The following NEDD1 variants were observed in gnomAD, a reference collection of about 807,000 sequenced individuals.
NEDD1 encodes the protein protein NEDD1.
In NEDD1, 33 loss-of-function variants were observed where a neutral mutation model predicts 74.0. That is an observed-to-expected ratio of 0.45 (90% confidence interval 0.34 to 0.60). The LOEUF is 0.60. NEDD1 is among the 20% of genes least tolerant of loss of function. NEDD1 has a pLI of 0.01. For missense variants in NEDD1, 746 were observed against 776.5 expected, an observed-to-expected ratio of 0.96 and a Z score of 0.47; for synonymous variants, 250 against 264.4, an observed-to-expected ratio of 0.95 and a Z score of 0.53.
chr12:96,909,497 G>T (rs933823733), intron 2 of NEDD1, among the ~76,000 whole-genome samples: 1 of 151,836 alleles, frequency 6.6e-6, no homozygotes, highest in African/African-American at 2.4e-5. Context: ...GTTACATGGG[G>T]GCCAGGACAT....
intron 4 of NEDD1, among the ~76,000 whole-genome samples, chr12:96,914,323 C>G (rs1874220541): frequency 6.6e-6 from 1 of 151,054 alleles, no homozygotes; most frequent in African/African-American, 2.4e-5. Flanking sequence ...TATTTGGGAG[C>G]TTTTTTTTTA....
intron 14 of NEDD1, among the ~76,000 whole-genome samples, chr12:96,948,479 A>G (rs1878407744): frequency 6.6e-6 from 1 of 151,658 alleles, no homozygotes; most frequent in Admixed American, 6.6e-5. Context: ...GGAACTCCTC[A>G]TTTTCTGGAT....
At chr12:96,942,884 C>A (rs993920098) in intron 11 of NEDD1, among the ~76,000 whole-genome samples, 1 of 143,564 alleles carries the variant, frequency 7.0e-6, no homozygotes, top group Non-Finnish European at 1.6e-5. Context: ...CAAGCTCATT[C>A]CTATGGCTGT....
At chr12:96,910,039 G>C in intron 3 of NEDD1, 144 bp downstream of exon 3, 1 of 857,508 alleles carries the variant, frequency 1.2e-6, no homozygotes. Flanking sequence ...ACGTAAAATA[G>C]TAATTTACAA....
At chr12:96,914,854 T>A (rs1180779668) in intron 4 of NEDD1, among the ~76,000 whole-genome samples, 3 of 152,182 alleles carry the variant, frequency 2.0e-5, no homozygotes, top group African/African-American at 7.2e-5. Context: ...TAATAATACA[T>A]TATCATAAAA....
intron 3 of NEDD1, among the ~76,000 whole-genome samples, chr12:96,910,863 G>T (rs1794008839): frequency 6.6e-6 from 1 of 152,108 alleles, no homozygotes; most frequent in South Asian, 2.1e-4. Context: ...ACATTTATCT[G>T]ATTTTTATCA....
At chr12:96,907,974 G>A in intron 2 of NEDD1, 118 bp downstream of exon 2, 1 of 848,730 alleles carries the variant, frequency 1.2e-6, no homozygotes, top group Non-Finnish European at 1.5e-6. Flanking sequence ...CAGTTTTTCT[G>A]AGCCCAGGCC....
intron 2 of NEDD1, 135 bp from the exon 3 acceptor site, chr12:96,909,617 C>G (rs1349640563): frequency 1.5e-6 from 1 of 659,560 alleles, no homozygotes; most frequent in Non-Finnish European, 2.6e-6. Context: ...ATCACTTCAA[C>G]TGCTTTGGTG....
chr12:96,921,489 T>A (rs1295933302), intron 6 of NEDD1, among the ~76,000 whole-genome samples: 1 of 152,044 alleles, frequency 6.6e-6, no homozygotes, highest in Non-Finnish European at 1.5e-5. Context: ...CCAGGGTTAG[T>A]CTTTTTCACG....
At chr12:96,919,432 A>C (rs1246049588) in intron 5 of NEDD1, among the ~76,000 whole-genome samples, 1 of 152,206 alleles carries the variant, frequency 6.6e-6, no homozygotes, top group South Asian at 2.1e-4. Flanking sequence ...AGCTCCCAGC[A>C]CTAGTAGGTT....
chr12:96,951,511 A>G lies in NEDD1; in HGVS notation c.1878+13A>G. The G allele has an allele frequency of 7.4e-7, 1 of 1,351,436 alleles. No homozygotes were observed. Among genetic ancestry groups the G allele is most frequent in the East Asian group, 2.3e-5 (1 of 43,002 alleles). 83.7% of individuals were successfully genotyped at this position (1,351,436 alleles called of 1,614,324 possible). On this transcript the variant is annotated intron_variant, in intron 15 of 15. Coordinates refer to ENST00000266742, the MANE Select transcript of NEDD1 (RefSeq NM_152905.4). The stretch of plus-strand genomic sequence containing the variant: ...TCATATGCAACTGGTATGTATGGCA[A>G]ATTTTATTTTAATATTTTAAATGAA...
intron 7 of NEDD1, among the ~76,000 whole-genome samples, chr12:96,935,569 C>A (rs1026754917): frequency 2.0e-5 from 3 of 152,064 alleles, no homozygotes; most frequent in Non-Finnish European, 2.9e-5. Flanking sequence ...ACATTTTGGG[C>A]TGGGTAATTC....
At chr12:96,940,734 A>G (rs935986049) in intron 10 of NEDD1, among the ~76,000 whole-genome samples, 197 bp downstream of exon 10, 3 of 152,066 alleles carry the variant, frequency 2.0e-5, no homozygotes, top group African/African-American at 7.2e-5. Context: ...GGTAATTTTC[A>G]CATGGGAATT....
At chr12:96,912,122 A>G (rs1222001753) in intron 3 of NEDD1, among the ~76,000 whole-genome samples, 2 of 152,146 alleles carry the variant, frequency 1.3e-5, no homozygotes, top group African/African-American at 4.8e-5. Flanking sequence ...ATTTTATTTA[A>G]AAATTAAAAC....
intron 4 of NEDD1, among the ~76,000 whole-genome samples, 200 bp downstream of exon 4, chr12:96,913,017 TA>T (rs758247349): frequency 6.6e-6 from 1 of 152,180 alleles, no homozygotes; most frequent in African/African-American, 2.4e-5. Flanking sequence ...GTTTTGAATA[TA>T]GGGGAACAAT....
chr12:96,909,268 A>G (rs1300023061), intron 2 of NEDD1, among the ~76,000 whole-genome samples: 1 of 152,150 alleles, frequency 6.6e-6, no homozygotes, highest in Admixed American at 6.5e-5. Context: ...TAAGTCCCTT[A>G]CCAGGTAAGG....
intron 5 of NEDD1, among the ~76,000 whole-genome samples, chr12:96,919,128 G>T (rs995386592): frequency 2.0e-5 from 3 of 152,100 alleles, no homozygotes; most frequent in African/African-American, 7.2e-5. Flanking sequence ...TCTCCTGCTG[G>T]ACATCTCTAA....
chr12:96,907,843 C>G lies in NEDD1; in HGVS notation c.-22C>G. 1 of 1,365,620 alleles carries G rather than the reference C, an allele frequency of 7.3e-7. No homozygotes were observed. The allele number at this position is 1,365,620 out of a possible 1,614,324, so 84.6% of individuals were successfully genotyped here. The stretch of plus-strand genomic sequence containing the variant: ...AAAGTCTCTCCCTTAATGCTCAGTT[C>G]TTAGAAGACCGAGGTAGGTGGGCAG... On this transcript the variant is annotated 5_prime_UTR_variant, in exon 2 of 16. Transcript: ENST00000266742.
chr12:96,908,571 T>C (rs1381067735), intron 2 of NEDD1, among the ~76,000 whole-genome samples: 1 of 152,212 alleles, frequency 6.6e-6, no homozygotes, highest in Non-Finnish European at 1.5e-5. Flanking sequence ...TTTCTAGACT[T>C]CCTTGGTTTG....
Sources: gnomAD v4.1 joint callset for allele counts (sites outside exome capture counted in the v4.1 genomes callset) on GRCh38, gnomAD v4.1.1 for gene constraint, MANE v1.5 for transcripts, NCBI Gene and HGNC (gene_info 2026-07-23, HGNC 2026-07-21) for gene names.